NEK11: variants seen among roughly 807,000 people sequenced by gnomAD.
NEK11 encodes the protein NIMA related kinase 11.
In NEK11, 72 loss-of-function variants were observed where a neutral mutation model predicts 80.7. That is an observed-to-expected ratio of 0.89 (90% CI 0.74 to 1.08). NEK11 has a LOEUF of 1.08. NEK11 is among the 50% of genes least tolerant of loss of function. The probability of loss-of-function intolerance (pLI) is 0.00; values close to 1 mark genes in which losing one functional copy is unlikely to be tolerated. For synonymous variants in NEK11, 251 were observed against 260.7 expected, an observed-to-expected ratio of 0.96 and a Z score of 0.36; for missense variants, 764 against 763.6, an observed-to-expected ratio of 1.00 and a Z score of -0.01.
intron 17 of NEK11, among the ~76,000 whole-genome samples, chr3:131,331,600 C>G (rs373738727): frequency 6.6e-6 from 1 of 152,204 alleles, no homozygotes; most frequent in Non-Finnish European, 1.5e-5. Flanking sequence ...GAGTGCCAGA[C>G]AGTGGGCGCA....
At chr3:131,049,980 C>T (rs1284510444) in intron 3 of NEK11, among the ~76,000 whole-genome samples, 3 of 148,448 alleles carry the variant, frequency 2.0e-5, no homozygotes, top group African/African-American at 7.4e-5. Flanking sequence ...AAAAAAAAAT[C>T]AAAAGGCATT....
chr3:131,056,964 G>A (rs1046466483), intron 3 of NEK11, among the ~76,000 whole-genome samples: 16 of 151,012 alleles, frequency 1.1e-4, no homozygotes, highest in Admixed American at 5.3e-4. Flanking sequence ...GTATACATGT[G>A]CCATGCTGGT....
intron 17 of NEK11, among the ~76,000 whole-genome samples, chr3:131,332,176 A>T (rs956243540): frequency 4.6e-5 from 7 of 152,332 alleles, no homozygotes; most frequent in East Asian, 3.9e-4. Context: ...AGTGGGTCCC[A>T]GACCCCTGAC....
chr3:131,310,649 C>A (rs150324779), intron 17 of NEK11, among the ~76,000 whole-genome samples: 3 of 152,134 alleles, frequency 2.0e-5, no homozygotes, highest in African/African-American at 7.2e-5. Context: ...GATATTCACA[C>A]CTTTTGAGTG....
At chr3:131,098,447 T>G (rs1443772567) in intron 4 of NEK11, among the ~76,000 whole-genome samples, 1 of 152,200 alleles carries the variant, frequency 6.6e-6, no homozygotes, top group African/African-American at 2.4e-5. Flanking sequence ...CTGACTGGTA[T>G]GAGATGGTAA....
intron 4 of NEK11, among the ~76,000 whole-genome samples, chr3:131,088,659 C>T (rs2076332833): frequency 6.6e-6 from 1 of 151,858 alleles, no homozygotes; most frequent in Non-Finnish European, 1.5e-5. Flanking sequence ...ATAAGTTCTG[C>T]CATTTCTTAT....
chr3:131,103,564 G>A (rs2078715158), intron 4 of NEK11, among the ~76,000 whole-genome samples: 1 of 152,168 alleles, frequency 6.6e-6, no homozygotes, highest in Non-Finnish European at 1.5e-5. Flanking sequence ...TTGCTCTGTG[G>A]TGCAGTGGCA....
At chr3:131,050,878 A>AAAAG (rs3072325) in intron 3 of NEK11, among the ~76,000 whole-genome samples, 6 of 151,780 alleles carry the variant, frequency 4.0e-5, no homozygotes, top group African/African-American at 1.2e-4. Context: ...ATAGTAATAA[A>AAAAG]TAGTGGGCAT....
intron 14 of NEK11, among the ~76,000 whole-genome samples, chr3:131,200,743 C>T (rs946107304): frequency 1.3e-5 from 2 of 152,170 alleles, no homozygotes; most frequent in African/African-American, 4.8e-5. Context: ...GCTATATAAA[C>T]CCTAGAGTTA....
intron 17 of NEK11, among the ~76,000 whole-genome samples, chr3:131,315,467 C>A (rs2096827543): frequency 7.3e-6 from 1 of 137,634 alleles, no homozygotes; most frequent in South Asian, 2.4e-4. Flanking sequence ...AATAATATTC[C>A]TGTGTGTGTG....
At chr3:131,151,154 C>T (rs2089564221) in intron 7 of NEK11, among the ~76,000 whole-genome samples, 1 of 151,974 alleles carries the variant, frequency 6.6e-6, no homozygotes, top group Non-Finnish European at 1.5e-5. Context: ...AGATAAATGC[C>T]TTAATTCAAG....
chr3:131,044,732 G>A (rs2067120980), intron 3 of NEK11, among the ~76,000 whole-genome samples: 1 of 151,920 alleles, frequency 6.6e-6, no homozygotes, highest in African/African-American at 2.4e-5. Flanking sequence ...AAATTAACAG[G>A]GATATTCAGG....
chr3:131,185,950 C>T (rs1230541986), intron 14 of NEK11, among the ~76,000 whole-genome samples: 1 of 152,120 alleles, frequency 6.6e-6, no homozygotes, highest in Admixed American at 6.6e-5. Flanking sequence ...ATTCCCAAGC[C>T]TCAGTTTTCT....
intron 17 of NEK11, among the ~76,000 whole-genome samples, chr3:131,336,132 T>G (rs1330961609): frequency 6.6e-6 from 1 of 152,120 alleles, no homozygotes; most frequent in East Asian, 1.9e-4. Context: ...AAAGTTCATA[T>G]GGAACCAAAA....
At chr3:131,048,027 G>A (rs890107545) in intron 3 of NEK11, among the ~76,000 whole-genome samples, 1 of 152,140 alleles carries the variant, frequency 6.6e-6, no homozygotes, top group Non-Finnish European at 1.5e-5. Flanking sequence ...GGCTGCCTCT[G>A]CTGCATCATG....
chr3:131,049,654 C>G (rs2068019411), intron 3 of NEK11, among the ~76,000 whole-genome samples: 1 of 152,170 alleles, frequency 6.6e-6, no homozygotes, highest in Non-Finnish European at 1.5e-5. Flanking sequence ...TAAACGGTAT[C>G]TATTTCAAGA....
chr3:131,308,375 A>G (rs2096743265), intron 17 of NEK11, among the ~76,000 whole-genome samples: 1 of 152,234 alleles, frequency 6.6e-6, no homozygotes, highest in African/African-American at 2.4e-5. Context: ...TGTCTAAAGC[A>G]GCTCAAGGAT....
intron 14 of NEK11, among the ~76,000 whole-genome samples, chr3:131,186,046 C>T (rs1579800215): frequency 6.6e-6 from 1 of 152,186 alleles, no homozygotes; most frequent in African/African-American, 2.4e-5. Flanking sequence ...GAGCACAGCA[C>T]GTGAAACAGA....
rs1435127136 is a variant in NEK11 at position 131,132,821 on chromosome 3, A to T, written c.520+12A>T. ...TCTCCTTAAAATTGGTAAGATTTTAAAAAGTATGAATTCCAAAAACGCAGA... is the reference window on the plus strand; with the variant it reads ...TCTCCTTAAAATTGGTAAGATTTTATAAAGTATGAATTCCAAAAACGCAGA... On this transcript the variant is annotated intron_variant, in intron 6 of 17. Transcript: ENST00000383366. The T allele has an allele frequency of 3.9e-6, 5 of 1,293,324 alleles. No homozygotes were observed. The highest frequency in any genetic ancestry group is 5.4e-6 in the Non-Finnish European group (5 of 918,410). 80.1% of individuals were successfully genotyped at this position (1,293,324 alleles called of 1,614,324 possible). A position where few individuals can be genotyped will look rare whatever the true frequency, so the allele number is the denominator to read the frequency against.
Sources: gnomAD v4.1 joint callset for allele counts (sites outside exome capture counted in the v4.1 genomes callset) on GRCh38, gnomAD v4.1.1 for gene constraint, MANE v1.5 for transcripts, NCBI Gene and HGNC (gene_info 2026-07-23, HGNC 2026-07-21) for gene names.